Variants in LRP1B observed in about 807,000 individuals in gnomAD.
The protein encoded by LRP1B is low-density lipoprotein receptor-related protein 1B.
Under a neutral mutation model 556.6 loss-of-function variants are expected in LRP1B, and 217 were observed. The observed-to-expected ratio is 0.39, with a 90% CI of 0.35 to 0.44. The LOEUF (loss-of-function observed/expected upper bound fraction) is 0.44, where lower values mean the gene tolerates loss of function less well. Among genes scored for constraint, LRP1B ranks in the 20% least tolerant of loss-of-function variants. The probability of loss-of-function intolerance (pLI) is 1.00; values close to 1 mark genes in which losing one functional copy is unlikely to be tolerated. For synonymous variants in LRP1B, 2,047 were observed against 1,865.8 expected (o/e 1.10, Z -2.50); for missense variants, 5,053 against 5,620.8 (o/e 0.90, Z 3.23).
intron 35 of LRP1B, among the ~76,000 whole-genome samples, chr2:140,721,778 C>T (rs1687413049): frequency 6.7e-6 from 1 of 149,922 alleles, no homozygotes; most frequent in African/African-American, 2.5e-5. Context: ...AGGATGGTCT[C>T]GATCTCCTGA....
chr2:141,090,051 G>A (rs2104907736), intron 7 of LRP1B, among the ~76,000 whole-genome samples: 1 of 152,174 alleles, frequency 6.6e-6, no homozygotes, highest in East Asian at 1.9e-4. Context: ...CTCCCCATTA[G>A]GGTCCTGTGT....
At chr2:140,836,847 A>G (rs1448759307) in intron 31 of LRP1B, among the ~76,000 whole-genome samples, 1 of 152,226 alleles carries the variant, frequency 6.6e-6, no homozygotes, top group Non-Finnish European at 1.5e-5. Flanking sequence ...CTTAACAGGA[A>G]TTGCAAGCTA....
intron 15 of LRP1B, among the ~76,000 whole-genome samples, chr2:140,999,642 A>T (rs1697354629): frequency 6.6e-6 from 1 of 152,104 alleles, no homozygotes; most frequent in African/African-American, 2.4e-5. Context: ...TCCATAGTTA[A>T]GCATCAATCT....
intron 41 of LRP1B, among the ~76,000 whole-genome samples, chr2:140,631,507 A>G (rs1683883198): frequency 6.6e-6 from 1 of 152,232 alleles, no homozygotes; most frequent in Admixed American, 6.5e-5. Flanking sequence ...AAAACACTGC[A>G]CAAATGAAAC....
chr2:140,345,373 A>T (rs753719645), intron 77 of LRP1B, among the ~76,000 whole-genome samples: 1 of 151,532 alleles, frequency 6.6e-6, no homozygotes, highest in Non-Finnish European at 1.5e-5. Flanking sequence ...TATGACCCTG[A>T]TCTCTTCCTC....
intron 27 of LRP1B, among the ~76,000 whole-genome samples, chr2:140,861,052 G>C (rs777210998): frequency 6.6e-6 from 1 of 151,410 alleles, no homozygotes; most frequent in African/African-American, 2.4e-5. Context: ...ATCTATTTAA[G>C]TTATTTAACA....
intron 43 of LRP1B, among the ~76,000 whole-genome samples, chr2:140,549,822 C>T (rs192433082): frequency 2.6e-5 from 4 of 151,708 alleles, no homozygotes; most frequent in Admixed American, 6.6e-5. Flanking sequence ...AAGCATACAG[C>T]GGGGCCTAGC....
At chr2:140,312,505 A>T (rs540265669) in intron 83 of LRP1B, among the ~76,000 whole-genome samples, 1 of 152,026 alleles carries the variant, frequency 6.6e-6, no homozygotes, top group Non-Finnish European at 1.5e-5. Context: ...AAGTGTAAAT[A>T]TAGCTGTTAA....
chr2:140,362,963 T>TTGAA (rs939033582), intron 72 of LRP1B, among the ~76,000 whole-genome samples: 5 of 151,704 alleles, frequency 3.3e-5, no homozygotes, highest in Admixed American at 6.6e-5. Flanking sequence ...CAAATGTCTA[T>TTGAA]TGAATGAATG....
chr2:141,716,154 T>C (rs1407080962), intron 2 of LRP1B, among the ~76,000 whole-genome samples: 1 of 152,144 alleles, frequency 6.6e-6, no homozygotes, highest in African/African-American at 2.4e-5. Flanking sequence ...CTCTATAACC[T>C]TGCAAAAGCC....
At chr2:141,995,125 T>A (rs1267391970) in intron 1 of LRP1B, among the ~76,000 whole-genome samples, 4 of 152,142 alleles carry the variant, frequency 2.6e-5, no homozygotes, top group African/African-American at 9.7e-5. Flanking sequence ...CTATTGCTGC[T>A]ATTTAAAAAT....
At chr2:140,546,373 G>C (rs887002379) in intron 43 of LRP1B, among the ~76,000 whole-genome samples, 1 of 151,966 alleles carries the variant, frequency 6.6e-6, no homozygotes, top group African/African-American at 2.4e-5. Flanking sequence ...TTCTTATGCT[G>C]CTAATAAAGA....
chr2:141,485,975 G>A (rs960719945), intron 2 of LRP1B, among the ~76,000 whole-genome samples: 2 of 152,126 alleles, frequency 1.3e-5, no homozygotes, highest in Non-Finnish European at 2.9e-5. Flanking sequence ...CCTGGGACAG[G>A]GGCGAGGTGA....
chr2:140,865,353 T>A (rs994979759), intron 27 of LRP1B, among the ~76,000 whole-genome samples: 3 of 152,020 alleles, frequency 2.0e-5, no homozygotes, highest in African/African-American at 7.2e-5. Flanking sequence ...TAGTACTGAA[T>A]GTCATGTATT....
At chr2:141,293,044 T>C (rs541052589) in intron 3 of LRP1B, among the ~76,000 whole-genome samples, 5 of 152,272 alleles carry the variant, frequency 3.3e-5, no homozygotes, top group Non-Finnish European at 5.9e-5. Flanking sequence ...TATGCTATTC[T>C]AAAAAAATCT....
rs575567021 is a variant in LRP1B, at chr2:141,898,294, T to C, written c.83-87893A>G. Reference sequence around the variant, plus strand: ...GCCAGGCCTCAGGCACTATTCCTCCTCTGGAAGGATATCCAGAGCTACAAA... The same window carrying C: ...GCCAGGCCTCAGGCACTATTCCTCCCCTGGAAGGATATCCAGAGCTACAAA... On this transcript the variant is annotated intron_variant, in intron 1 of 90. Coordinates refer to ENST00000389484, the MANE Select transcript of LRP1B (RefSeq NM_018557.3). 1.1e-4 allele frequency among the ~76,000 whole-genome samples: 16 copies of C among 152,192 alleles called. No individual in the cohort carries two copies. The South Asian group carries it at 2.1e-3, about 20-fold the overall frequency.
chr2:141,573,432 C>T (rs568542570), intron 2 of LRP1B, among the ~76,000 whole-genome samples: 2 of 152,134 alleles, frequency 1.3e-5, no homozygotes, highest in East Asian at 1.9e-4. Context: ...ATTTCTGGTA[C>T]ACAGCTAAAG....
chr2:141,700,995 CA>C (rs1418984214), intron 2 of LRP1B, among the ~76,000 whole-genome samples: 2 of 151,826 alleles, frequency 1.3e-5, no homozygotes, highest in Non-Finnish European at 2.9e-5. Flanking sequence ...AGTTTCTTCT[CA>C]AATTTCTTAG....
intron 7 of LRP1B, among the ~76,000 whole-genome samples, chr2:141,137,549 C>T (rs1701521151): frequency 6.6e-6 from 1 of 151,862 alleles, no homozygotes; most frequent in South Asian, 2.1e-4. Flanking sequence ...AAATGCCTAA[C>T]CTGAGCTAGT....
Sources: gnomAD v4.1 joint callset for allele counts (sites outside exome capture counted in the v4.1 genomes callset) on GRCh38, gnomAD v4.1.1 for gene constraint, MANE v1.5 for transcripts, NCBI Gene and HGNC (gene_info 2026-07-23, HGNC 2026-07-21) for gene names.